The following GLRX2 variants were observed in gnomAD, a reference collection of about 807,000 sequenced individuals.
The protein encoded by GLRX2 is glutaredoxin 2.
GLRX2 carries 12 observed loss-of-function variants against 16.4 expected under a neutral mutation model. The observed-to-expected ratio is 0.73, with a 90% CI of 0.47 to 1.19. The LOEUF (loss-of-function observed/expected upper bound fraction) is 1.19, where lower values mean the gene tolerates loss of function less well. Ranked by LOEUF, GLRX2 falls within the 50% of genes most tolerant of loss-of-function variation. The pLI is 0.00. For synonymous variants in GLRX2, 95 were observed against 76.2 expected, an observed-to-expected ratio of 1.25 and a Z score of -1.28; for missense variants, 201 against 201.8, an observed-to-expected ratio of 1.00 and a Z score of 0.02.
intron 1 of GLRX2, among the ~76,000 whole-genome samples, chr1:193,104,283 T>C (rs1572130029): frequency 6.6e-6 from 1 of 152,168 alleles, no homozygotes; most frequent in Non-Finnish European, 1.5e-5. Context: ...AGGAAGTAAG[T>C]GCACAATAAA....
rs1306579827 is a variant in GLRX2 at position 193,097,531 on chromosome 1, G to T, written c.360+53C>A. The T allele has an allele frequency of 3.7e-6, 5 of 1,361,588 alleles. No homozygotes were observed. The African/African-American group carries it at 4.5e-5, about 12-fold the overall frequency. The allele number at this position is 1,361,588 out of a possible 1,614,324, so 84.3% of individuals were successfully genotyped here. ...TAACACAAGGTTCTAGGCTCTGGGT[G>T]ATCTAGTTTACAACCTATTAAAGAG... On this transcript the variant is annotated intron_variant, in intron 3 of 3. Coordinates refer to ENST00000367439, the MANE Select transcript of GLRX2 (RefSeq NM_197962.3).
upstream of GLRX2, chr1:193,105,469 C>G (rs1675177365): frequency 8.9e-6 from 13 of 1,458,228 alleles, no homozygotes; most frequent in Non-Finnish European, 1.2e-5. Flanking sequence ...CCCCGCCTTG[C>G]CCCGCCCCGT....
upstream of GLRX2, chr1:193,105,550 C>A: frequency 6.3e-7 from 1 of 1,597,110 alleles, no homozygotes; most frequent in Non-Finnish European, 8.5e-7. Flanking sequence ...CCCAGGGCTG[C>A]CCGAGCGCTG....
At chr1:193,100,955 C>T (rs1365545679) in intron 2 of GLRX2, among the ~76,000 whole-genome samples, 186 bp downstream of exon 2, 1 of 152,116 alleles carries the variant, frequency 6.6e-6, no homozygotes, top group Non-Finnish European at 1.5e-5. Context: ...TTTTAATTAC[C>T]AAAATGATCT....
intron 2 of GLRX2, 70 bp from the exon 3 acceptor site, chr1:193,097,830 G>A (rs531748411): frequency 4.3e-4 from 494 of 1,138,530 alleles, no homozygotes; most frequent in Admixed American, 1.6e-3. Context: ...AAGATATAAT[G>A]GAAAGGGTAT....
At chr1:193,102,514 G>T (rs575126037) in intron 1 of GLRX2, among the ~76,000 whole-genome samples, 3 of 152,166 alleles carry the variant, frequency 2.0e-5, no homozygotes, top group African/African-American at 7.2e-5. Context: ...ACCACACCTG[G>T]CTAATTTTTT....
At chr1:193,103,891 G>T (rs1390288261) in intron 1 of GLRX2, among the ~76,000 whole-genome samples, 1 of 152,158 alleles carries the variant, frequency 6.6e-6, no homozygotes, top group Non-Finnish European at 1.5e-5. Flanking sequence ...CAACCTGAGA[G>T]GAGGGTGAAG....
In GLRX2 at chr1:193,097,623, C is replaced by T; in HGVS notation, c.321G>A (p.Gln107=). 5.6e-6 allele frequency: 9 copies of T among 1,609,632 alleles called. No homozygotes were observed. Among genetic ancestry groups the T allele is most frequent in the Non-Finnish European group, 7.6e-6 (9 of 1,178,648 alleles). The change falls in exon 3 of 4, where the codon CAG becomes CAA. Residue 107 remains glutamine, a synonymous_variant. Coordinates refer to ENST00000367439, the MANE Select transcript of GLRX2 (RefSeq NM_197962.3). ...VELDLLEYGN[Q]FQDALYKMTG... ...TCATTTTGTAAAGAGCATCTTGGAA[C>T]TGGTTTCCATATTCAAGCAGGTCCA...
chr1:193,099,126 T>C (rs1405371705), intron 2 of GLRX2, among the ~76,000 whole-genome samples: 3 of 152,202 alleles, frequency 2.0e-5, no homozygotes, highest in Non-Finnish European at 4.4e-5. Context: ...AACTGTATGT[T>C]TAAAAAACCT....
intron 3 of GLRX2, 66 bp from the exon 4 acceptor site, chr1:193,096,825 A>T (rs150124803): frequency 8.2e-7 from 1 of 1,220,286 alleles, no homozygotes; most frequent in East Asian, 2.4e-5. Context: ...ATTTCACATA[A>T]TAACGAGACA....
rs1674962301 is a variant in GLRX2, at chr1:193,096,549, A to T, written c.*76T>A. On this transcript the variant is annotated 3_prime_UTR_variant, in exon 4 of 4. Transcript: ENST00000367439. ...AATGCATGTATTTAAAACATCCTCA[A>T]ACATTTAAAAGACATTATCGGGCAT... 1 of 752,524 alleles carries T rather than the reference A, an allele frequency of 1.3e-6. No individual in the cohort carries two copies. The highest frequency in any genetic ancestry group is 2.1e-6 in the Non-Finnish European group (1 of 477,060). The allele number at this position is 752,524 out of a possible 1,614,324, so 46.6% of individuals were successfully genotyped here. A position where few individuals can be genotyped will look rare whatever the true frequency, so the allele number is the denominator to read the frequency against.
chr1:193,098,328 G>A (rs1675001795), intron 2 of GLRX2, among the ~76,000 whole-genome samples: 1 of 152,068 alleles, frequency 6.6e-6, no homozygotes, highest in South Asian at 2.1e-4. Flanking sequence ...ATCACTTGAG[G>A]TAAGGAGTTC....
At chr1:193,099,659 A>C (rs757700936) in intron 2 of GLRX2, among the ~76,000 whole-genome samples, 5 of 152,152 alleles carry the variant, frequency 3.3e-5, no homozygotes, top group Non-Finnish European at 7.4e-5. Context: ...GTGGTGGATC[A>C]TAAGCAGTAC....
At chr1:193,100,519 T>TA (rs751596929) in intron 2 of GLRX2, among the ~76,000 whole-genome samples, 6 of 152,114 alleles carry the variant, frequency 3.9e-5, no homozygotes, top group Non-Finnish European at 8.8e-5. Flanking sequence ...CCCTCACAGT[T>TA]ATAGTCAACA....
intron 3 of GLRX2, among the ~76,000 whole-genome samples, 166 bp from the exon 4 acceptor site, chr1:193,096,925 ATTTTTAGCCCTGT>A (rs974394242): frequency 1.3e-5 from 2 of 152,208 alleles, no homozygotes; most frequent in African/African-American, 4.8e-5. Flanking sequence ...GGTAGGTATT[ATTTTTAGCCCTGT>A]TTTGGAGGAA....
chr1:193,105,797 T>A, upstream of GLRX2: 1 of 1,334,302 alleles, frequency 7.5e-7, no homozygotes, highest in Non-Finnish European at 9.6e-7. Context: ...CTCAGATGTT[T>A]CCAACTACCT....
upstream of GLRX2, chr1:193,105,855 CTT>C (rs767106041): frequency 4.6e-5 from 57 of 1,235,606 alleles, no homozygotes; most frequent in Non-Finnish European, 5.7e-5. Flanking sequence ...AATATATCCT[CTT>C]ATAATTAGGC....
chr1:193,101,034 T>C (rs1675063730), intron 2 of GLRX2, 107 bp downstream of exon 2: 1 of 759,054 alleles, frequency 1.3e-6, no homozygotes, highest in Non-Finnish European at 2.4e-6. Context: ...CTTAATTCAT[T>C]TGCTAAACTA....
At chr1:193,103,419 A>G (rs1675118890) in intron 1 of GLRX2, among the ~76,000 whole-genome samples, 1 of 152,226 alleles carries the variant, frequency 6.6e-6, no homozygotes, top group South Asian at 2.1e-4. Flanking sequence ...TGGGCCTATG[A>G]GAAGATTCAG....
Sources: gnomAD v4.1 joint callset for allele counts (sites outside exome capture counted in the v4.1 genomes callset) on GRCh38, gnomAD v4.1.1 for gene constraint, MANE v1.5 for transcripts, NCBI Gene and HGNC (gene_info 2026-07-23, HGNC 2026-07-21) for gene names.